The following CORIN variants were observed in gnomAD, a reference collection of about 807,000 sequenced individuals.
CORIN encodes atrial natriuretic peptide-converting enzyme.
In CORIN, 117 loss-of-function variants were observed where a neutral mutation model predicts 125.3. That is an observed-to-expected ratio of 0.93 (90% confidence interval 0.80 to 1.09). The LOEUF is 1.09. Among genes scored for constraint, CORIN ranks in the 50% least tolerant of loss-of-function variants. The pLI, the probability that CORIN is intolerant of heterozygous loss-of-function variation, is 0.00. For missense variants in CORIN, 1,253 were observed against 1,306.7 expected (o/e 0.96, Z 0.63); for synonymous variants, 450 against 466.4 (o/e 0.96, Z 0.45).
At chr4:47,719,792 T>C (rs1035717187) in intron 5 of CORIN, among the ~76,000 whole-genome samples, 3 of 152,186 alleles carry the variant, frequency 2.0e-5, no homozygotes, top group Admixed American at 6.5e-5. Flanking sequence ...TAATATCCTA[T>C]GGAGTAAAAA....
intron 5 of CORIN, among the ~76,000 whole-genome samples, chr4:47,730,606 G>A (rs1727834004): frequency 6.6e-6 from 1 of 152,094 alleles, no homozygotes; most frequent in Non-Finnish European, 1.5e-5. Context: ...CCATCTGCAT[G>A]CTCCCCCTAG....
At chr4:47,765,322 A>T (rs533160548) in intron 3 of CORIN, among the ~76,000 whole-genome samples, 2 of 152,238 alleles carry the variant, frequency 1.3e-5, no homozygotes, top group Non-Finnish European at 2.9e-5. Context: ...CAAAAAAAAA[A>T]AAAAAGAATC....
rs1728391601 is a variant in CORIN at position 47,741,432 on chromosome 4, G to A, written c.799+2970C>T. 2.0e-5 allele frequency among the ~76,000 whole-genome samples: 3 copies of A among 151,948 alleles called. No homozygotes were observed. The South Asian group carries it at 6.2e-4, about 31-fold the overall frequency. On this transcript the variant is annotated intron_variant, in intron 5 of 21. Transcript: ENST00000273857. ...GGACAGCTATAAACAAAAGAGACAA[G>A]TGTGGTGAAAATGTGGAAACACTGG...
At chr4:47,713,781 T>A (rs1208657075) in intron 5 of CORIN, among the ~76,000 whole-genome samples, 1 of 151,906 alleles carries the variant, frequency 6.6e-6, no homozygotes, top group Non-Finnish European at 1.5e-5. Context: ...AAAAAGCAAA[T>A]TTTTAATGTT....
At chr4:47,759,755 T>A (rs1448918047) in intron 4 of CORIN, among the ~76,000 whole-genome samples, 9 of 152,198 alleles carry the variant, frequency 5.9e-5, no homozygotes, top group Non-Finnish European at 1.2e-4. Flanking sequence ...GGAATAGACT[T>A]CATCTCAAGA....
In CORIN at chr4:47,832,294, T is replaced by C. The variant is rs149668042; in HGVS notation, c.63+5593A>G. ...TTTATACATCAATCTGGCCATTTAC[T>C]ATTCAACAAATGCCTAGGCCACGTA... On this transcript the variant is annotated intron_variant, in intron 1 of 21. Transcript: ENST00000273857. 6.2e-3 allele frequency among the ~76,000 whole-genome samples: 942 copies of C among 152,268 alleles called. 12 individuals are homozygous for C. The highest frequency in any genetic ancestry group is 0.021 in the African/African-American group (853 of 41,550).
chr4:47,760,083 C>A (rs1729376320), intron 4 of CORIN, among the ~76,000 whole-genome samples: 1 of 152,158 alleles, frequency 6.6e-6, no homozygotes, highest in East Asian at 1.9e-4. Context: ...TGCCCAGATC[C>A]ATTAGAGAAA....
intron 5 of CORIN, among the ~76,000 whole-genome samples, chr4:47,734,080 G>T (rs1357296302): frequency 6.6e-6 from 1 of 152,052 alleles, no homozygotes; most frequent in Non-Finnish European, 1.5e-5. Flanking sequence ...GGACTATTTG[G>T]GGGAGGATGG....
chr4:47,794,211 G>C (rs1426818264), intron 2 of CORIN, among the ~76,000 whole-genome samples: 1 of 152,144 alleles, frequency 6.6e-6, no homozygotes, highest in East Asian at 1.9e-4. Flanking sequence ...TACATTATAA[G>C]TTAGGAAGTT....
chr4:47,748,667 A>G (rs1370316370), intron 4 of CORIN, among the ~76,000 whole-genome samples: 2 of 152,186 alleles, frequency 1.3e-5, no homozygotes, highest in Non-Finnish European at 2.9e-5. Flanking sequence ...TTGTTATAGT[A>G]TATATACAAA....
Position 47,770,228 on chromosome 4 carries a change from G to A in CORIN, c.410-6642C>T, listed in dbSNP as rs111434488. 8.4e-4 allele frequency among the ~76,000 whole-genome samples: 128 copies of A among 152,074 alleles called. 1 individual carries two copies. The highest frequency in any genetic ancestry group is 2.7e-3 in the African/African-American group (113 of 41,520). Reference sequence around the variant, plus strand: ...AGACATTTCACAAAAAAATACATACGAATGGCCAACAGGTATATGAAAAAA... The same window carrying A: ...AGACATTTCACAAAAAAATACATACAAATGGCCAACAGGTATATGAAAAAA... On this transcript the variant is annotated intron_variant, in intron 3 of 21. Transcript: ENST00000273857.
In CORIN at chr4:47,600,193, G is replaced by T. The variant is rs1479723322; in HGVS notation, c.2946+21C>A. On this transcript the variant is annotated intron_variant, in intron 21 of 21. Transcript: ENST00000273857. ...AGTTATTGTTGAACTGAATCTCCTT[G>T]GTAACCAGAAAGCAACTTACCATGC... 4 of 1,594,640 alleles carry T rather than the reference G, an allele frequency of 2.5e-6. No individual in the cohort carries two copies. The African/African-American group carries it at 5.4e-5, about 21-fold the overall frequency.
chr4:47,778,633 C>T (rs535591362), intron 3 of CORIN, among the ~76,000 whole-genome samples: 28 of 152,316 alleles, frequency 1.8e-4, no homozygotes, highest in Non-Finnish European at 3.7e-4. Context: ...AACAAGCATG[C>T]AACGATTACT....
intron 1 of CORIN, among the ~76,000 whole-genome samples, 183 bp from the exon 2 acceptor site, chr4:47,807,230 A>G (rs897730343): frequency 2.0e-5 from 3 of 152,264 alleles, no homozygotes; most frequent in African/African-American, 7.2e-5. Context: ...CTGTACATCT[A>G]CATTCAGGGA....
intron 1 of CORIN, among the ~76,000 whole-genome samples, chr4:47,817,405 T>C (rs1188215397): frequency 6.6e-6 from 1 of 152,150 alleles, no homozygotes; most frequent in Non-Finnish European, 1.5e-5. Context: ...TGATTATTTC[T>C]TGATCTGGCA....
intron 4 of CORIN, among the ~76,000 whole-genome samples, chr4:47,747,000 G>A (rs1728693612): frequency 6.6e-6 from 1 of 152,140 alleles, no homozygotes; most frequent in African/African-American, 2.4e-5. Context: ...TTCTCTAGGT[G>A]TGAGCCAGCC....
chr4:47,806,674 A>G (rs1011956688), intron 2 of CORIN, among the ~76,000 whole-genome samples: 6 of 152,196 alleles, frequency 3.9e-5, no homozygotes, highest in Non-Finnish European at 7.4e-5. Context: ...CAACCTAGTA[A>G]TCATTCCTTA....
intron 5 of CORIN, among the ~76,000 whole-genome samples, chr4:47,705,802 T>C (rs947965110): frequency 5.3e-5 from 8 of 152,090 alleles, no homozygotes; most frequent in African/African-American, 1.9e-4. Flanking sequence ...GGAGACCACA[T>C]CATAAATTCA....
intron 19 of CORIN, among the ~76,000 whole-genome samples, chr4:47,606,873 G>A (rs566590107): frequency 6.6e-6 from 1 of 152,198 alleles, no homozygotes; most frequent in South Asian, 2.1e-4. Flanking sequence ...TCAGACACCT[G>A]AAATCAAGCA....
Sources: gnomAD v4.1 joint callset for allele counts (sites outside exome capture counted in the v4.1 genomes callset) on GRCh38, gnomAD v4.1.1 for gene constraint, MANE v1.5 for transcripts, NCBI Gene and HGNC (gene_info 2026-07-23, HGNC 2026-07-21) for gene names.